The following ARHGAP15 variants were observed in gnomAD, a reference collection of about 807,000 sequenced individuals.
ARHGAP15 encodes the protein Rho GTPase activating protein 15, also known as rho GTPase-activating protein 15.
ARHGAP15 carries 51 observed loss-of-function variants against 63.7 expected under a neutral mutation model. The observed-to-expected ratio is 0.80, with a 90% CI of 0.64 to 1.01. ARHGAP15 has a LOEUF of 1.01. Ranked by LOEUF, ARHGAP15 falls within the 50% of genes least tolerant of loss-of-function variation. ARHGAP15 has a pLI of 0.00. For synonymous variants in ARHGAP15, 191 were observed against 193.8 expected (o/e 0.99, Z 0.12); for missense variants, 560 against 564.6 (o/e 0.99, Z 0.08).
chr2:143,630,489 C>T (rs540465278), intron 12 of ARHGAP15, among the ~76,000 whole-genome samples: 2 of 152,144 alleles, frequency 1.3e-5, no homozygotes, highest in East Asian at 3.9e-4. Context: ...CTGACCTACT[C>T]GTGAGAGGAA....
At chr2:143,200,854 T>C (rs1248839408) in intron 2 of ARHGAP15, among the ~76,000 whole-genome samples, 1 of 152,092 alleles carries the variant, frequency 6.6e-6, no homozygotes, top group Non-Finnish European at 1.5e-5. Flanking sequence ...ATGTTGATCC[T>C]GTAAAAGCTG....
intron 13 of ARHGAP15, among the ~76,000 whole-genome samples, chr2:143,758,568 CT>C (rs1348086860): frequency 1.3e-5 from 2 of 152,110 alleles, no homozygotes; most frequent in Non-Finnish European, 2.9e-5. Context: ...AAACACACGA[CT>C]GCTTGTTTGC....
chr2:143,306,788 C>T (rs1683193732), intron 6 of ARHGAP15, among the ~76,000 whole-genome samples: 1 of 152,224 alleles, frequency 6.6e-6, no homozygotes. Context: ...TTTTCCATCC[C>T]TTTCCCCCAA....
chr2:143,695,647 C>T (rs1013842851), intron 12 of ARHGAP15, among the ~76,000 whole-genome samples: 7 of 152,176 alleles, frequency 4.6e-5, no homozygotes, highest in South Asian at 2.1e-4. Flanking sequence ...GCGGGTGGAT[C>T]GCTTGAGCCC....
At chr2:143,479,798 A>G (rs1349225863) in intron 8 of ARHGAP15, among the ~76,000 whole-genome samples, 3 of 152,228 alleles carry the variant, frequency 2.0e-5, no homozygotes, top group South Asian at 2.1e-4. Context: ...CATACAAGAT[A>G]GGTTTTGCTG....
intron 9 of ARHGAP15, among the ~76,000 whole-genome samples, chr2:143,493,536 C>A (rs945480059): frequency 6.6e-6 from 1 of 152,216 alleles, no homozygotes; most frequent in African/African-American, 2.4e-5. Context: ...GCACAGTGTT[C>A]TTCCCCTACC....
intron 12 of ARHGAP15, among the ~76,000 whole-genome samples, chr2:143,683,881 G>A (rs141858115): frequency 1.3e-5 from 2 of 152,022 alleles, no homozygotes; most frequent in African/African-American, 2.4e-5. Context: ...ACCTGCAAGG[G>A]TATTTGCATG....
chr2:143,594,070 G>A (rs1697419024), intron 11 of ARHGAP15, among the ~76,000 whole-genome samples: 1 of 152,146 alleles, frequency 6.6e-6, no homozygotes, highest in South Asian at 2.1e-4. Context: ...ACATATATAT[G>A]TGTGTGCATG....
At chr2:143,370,934 A>G (rs893900865) in intron 6 of ARHGAP15, among the ~76,000 whole-genome samples, 16 of 152,330 alleles carry the variant, frequency 1.1e-4, no homozygotes, top group African/African-American at 3.1e-4. Flanking sequence ...CTTAATCATG[A>G]CTTTTTTTCT....
intron 13 of ARHGAP15, among the ~76,000 whole-genome samples, chr2:143,740,915 G>A (rs1421828598): frequency 3.3e-5 from 5 of 151,622 alleles, no homozygotes; most frequent in Admixed American, 3.3e-4. Flanking sequence ...TGAAGCTGTG[G>A]TTAATTGAAA....
At chr2:143,242,810 T>G (rs1055715617) in intron 5 of ARHGAP15, among the ~76,000 whole-genome samples, 1 of 152,160 alleles carries the variant, frequency 6.6e-6, no homozygotes, top group African/African-American at 2.4e-5. Flanking sequence ...CCTAAATCAT[T>G]TTGCCCAAAT....
intron 8 of ARHGAP15, among the ~76,000 whole-genome samples, chr2:143,479,992 T>C (rs745584030): frequency 1.3e-5 from 2 of 152,134 alleles, no homozygotes; most frequent in Non-Finnish European, 2.9e-5. Context: ...ATTGAAGTTA[T>C]CAATCATCAT....
intron 1 of ARHGAP15, among the ~76,000 whole-genome samples, chr2:143,143,969 A>G (rs1689478698): frequency 6.6e-6 from 1 of 151,974 alleles, no homozygotes; most frequent in Non-Finnish European, 1.5e-5. Context: ...CTATGTGTCC[A>G]TGACTTCTCA....
At chr2:143,413,759 C>T (rs1312547651) in intron 6 of ARHGAP15, among the ~76,000 whole-genome samples, 1 of 152,162 alleles carries the variant, frequency 6.6e-6, no homozygotes, top group Non-Finnish European at 1.5e-5. Context: ...CAGGCATGAG[C>T]CACTTCAACC....
chr2:143,665,003 T>G (rs148012269), intron 12 of ARHGAP15, among the ~76,000 whole-genome samples: 35,511 of 151,476 alleles, frequency 0.23, 4,496 homozygotes, highest in Middle Eastern at 0.31. Context: ...GAGGAACTGG[T>G]ACCATTCCTT....
intron 10 of ARHGAP15, among the ~76,000 whole-genome samples, chr2:143,528,267 A>G (rs1694366601): frequency 1.3e-5 from 2 of 152,214 alleles, no homozygotes; most frequent in South Asian, 4.1e-4. Context: ...CTCAGTTCCC[A>G]TAACCACACA....
chr2:143,755,344 A>G (rs1184332309), intron 13 of ARHGAP15, among the ~76,000 whole-genome samples: 1 of 151,676 alleles, frequency 6.6e-6, no homozygotes, highest in Non-Finnish European at 1.5e-5. Flanking sequence ...AGGGATTCTT[A>G]TTGTATCTTT....
At chr2:143,718,726 CT>C (rs1684920066) in intron 13 of ARHGAP15, among the ~76,000 whole-genome samples, 1 of 152,198 alleles carries the variant, frequency 6.6e-6, no homozygotes, top group Non-Finnish European at 1.5e-5. Flanking sequence ...TGTCTGTACT[CT>C]GAAAACTCAC....
intron 7 of ARHGAP15, among the ~76,000 whole-genome samples, chr2:143,436,099 C>A (rs1689601091): frequency 6.6e-6 from 1 of 151,860 alleles, no homozygotes; most frequent in South Asian, 2.1e-4. Flanking sequence ...AATAATAACC[C>A]TTTGTACTGA....
Sources: allele counts gnomAD v4.1 joint callset (sites outside exome capture counted in the v4.1 genomes callset), GRCh38; gene constraint gnomAD v4.1.1; transcripts MANE v1.5; gene names NCBI Gene and HGNC (gene_info 2026-07-23, HGNC 2026-07-21).